Variants in MYOF observed in about 807,000 individuals in gnomAD.
The protein encoded by MYOF is fer-1-like 3, myoferlin.
In MYOF, 244 loss-of-function variants were observed where a neutral mutation model predicts 284.2. That is an observed-to-expected ratio of 0.86 (90% CI 0.77 to 0.95). MYOF has a LOEUF of 0.95. Ranked by LOEUF, MYOF falls within the 40% of genes least tolerant of loss-of-function variation. The pLI is 0.00. For missense variants in MYOF, 2,496 were observed against 2,560.6 expected (o/e 0.97, Z 0.54); for synonymous variants, 904 against 919.7 (o/e 0.98, Z 0.31).
chr10:93,323,690 C>T (rs1263660075), intron 46 of MYOF: 2 of 308,428 alleles, frequency 6.5e-6, no homozygotes, highest in Non-Finnish European at 1.2e-5. Context: ...CAGGCAGGCA[C>T]ACGCACGTGC....
chr10:93,397,460 T>TA lies in MYOF; in HGVS notation c.1222-5dup. Reference sequence around the variant, plus strand: ...TCTCAATTATGTTTGTACAAACCTGTAAAATCACCAAAGCAAAAGTGTAGG... The same window carrying TA: ...TCTCAATTATGTTTGTACAAACCTGTAAAAATCACCAAAGCAAAAGTGTAGG... On this transcript the variant is annotated splice_polypyrimidine_tract_variant and splice_region_variant and intron_variant, in intron 13 of 53. Transcript: ENST00000359263. 1 of 1,602,488 alleles carries TA rather than the reference T, an allele frequency of 6.2e-7. No individual in the cohort carries two copies. The highest frequency in any genetic ancestry group is 8.5e-7 in the Non-Finnish European group (1 of 1,176,150).
intron 4 of MYOF, among the ~76,000 whole-genome samples, chr10:93,430,919 A>AT (rs1434608277): frequency 2.1e-4 from 32 of 150,712 alleles, no homozygotes; most frequent in Admixed American, 1.8e-3. Flanking sequence ...TCAAAACCAG[A>AT]TTTTTTGTGT....
intron 31 of MYOF, among the ~76,000 whole-genome samples, 155 bp from the exon 32 acceptor site, chr10:93,354,043 G>T (rs1442256109): frequency 6.6e-6 from 1 of 152,242 alleles, no homozygotes; most frequent in Non-Finnish European, 1.5e-5. Context: ...TAGTGATGAT[G>T]TGGCCTCCCA....
chr10:93,431,942 C>T (rs1353709245), intron 3 of MYOF, among the ~76,000 whole-genome samples: 2 of 151,902 alleles, frequency 1.3e-5, no homozygotes, highest in Non-Finnish European at 2.9e-5. Context: ...GATGGGGTTT[C>T]GCCATGTTGG....
chr10:93,370,503 G>A (rs770754271), intron 24 of MYOF, among the ~76,000 whole-genome samples: 3 of 151,308 alleles, frequency 2.0e-5, no homozygotes, highest in Non-Finnish European at 4.4e-5. Context: ...TTGTAGAGAC[G>A]GGGGTCTTGC....
chr10:93,362,956 T>C (rs1363994508), intron 27 of MYOF, among the ~76,000 whole-genome samples: 1 of 152,202 alleles, frequency 6.6e-6, no homozygotes, highest in African/African-American at 2.4e-5. Flanking sequence ...TAAACGTTCA[T>C]AAACATACAA....
intron 3 of MYOF, among the ~76,000 whole-genome samples, chr10:93,439,912 A>G (rs540100250): frequency 1.2e-4 from 18 of 152,356 alleles, no homozygotes; most frequent in Non-Finnish European, 2.6e-4. Flanking sequence ...TGTAATCACT[A>G]TGTAAAGTTC....
At chr10:93,473,588 A>G (rs1291749282) in intron 1 of MYOF, among the ~76,000 whole-genome samples, 1 of 152,244 alleles carries the variant, frequency 6.6e-6, no homozygotes, top group Admixed American at 6.5e-5. Context: ...AGGAGGCTGC[A>G]CAGTCCCTGG....
At chr10:93,375,329 G>A (rs1845789212) in intron 22 of MYOF, among the ~76,000 whole-genome samples, 1 of 152,240 alleles carries the variant, frequency 6.6e-6, no homozygotes, top group Admixed American at 6.5e-5. Flanking sequence ...AATGATGGAA[G>A]AAGAAGGGAG....
intron 35 of MYOF, 43 bp downstream of exon 35, chr10:93,351,154 A>C (rs375380123): frequency 2.5e-5 from 40 of 1,576,488 alleles, no homozygotes; most frequent in Non-Finnish European, 3.4e-5. Flanking sequence ...TCCTGCAGTC[A>C]CATCCGTTTG....
chr10:93,448,779 G>A (rs1290202549), intron 3 of MYOF, among the ~76,000 whole-genome samples: 1 of 152,220 alleles, frequency 6.6e-6, no homozygotes, highest in Non-Finnish European at 1.5e-5. Flanking sequence ...CAGATCACTT[G>A]AGGTCAGGAG....
chr10:93,340,652 A>G (rs1843855784), intron 38 of MYOF, among the ~76,000 whole-genome samples: 1 of 152,226 alleles, frequency 6.6e-6, no homozygotes. Flanking sequence ...GTTATCATAC[A>G]GGTACCCCCC....
chr10:93,309,391 T>C (rs748243958), intron 53 of MYOF, among the ~76,000 whole-genome samples: 3 of 152,214 alleles, frequency 2.0e-5, no homozygotes, highest in Non-Finnish European at 4.4e-5. Context: ...CTAGGCAAGC[T>C]GCCAAATCTC....
At chr10:93,406,785 A>G (rs960513597) in intron 7 of MYOF, among the ~76,000 whole-genome samples, 6 of 152,150 alleles carry the variant, frequency 3.9e-5, no homozygotes, top group Admixed American at 3.3e-4. Context: ...AGTTTGAACG[A>G]AGAGGAAGAA....
At chr10:93,375,335 G>A (rs995189959) in intron 22 of MYOF, among the ~76,000 whole-genome samples, 1 of 152,216 alleles carries the variant, frequency 6.6e-6, no homozygotes, top group Non-Finnish European at 1.5e-5. Flanking sequence ...GGAAGAAGAA[G>A]GGAGGCTAGA....
intron 46 of MYOF, among the ~76,000 whole-genome samples, chr10:93,324,978 C>A (rs1288134357): frequency 5.9e-5 from 9 of 152,204 alleles, no homozygotes; most frequent in Middle Eastern, 3.4e-3. Context: ...CAGGGTTTCA[C>A]CATCTTGGCC....
intron 12 of MYOF, 123 bp from the exon 13 acceptor site, chr10:93,399,618 A>C: frequency 1.5e-6 from 1 of 649,092 alleles, no homozygotes; most frequent in Middle Eastern, 4.2e-4. Flanking sequence ...TCATGCCTGT[A>C]ATCCCAGGAC....
Position 93,369,756 on chromosome 10 carries a change from G to C in MYOF, c.2478C>G (p.Asn826Lys). ...IFLKYPQEKNNGPKVPVELRV... is the reference protein window; with the variant it reads ...IFLKYPQEKNKGPKVPVELRV... ...GCAACTCCACAGGCACCTTTGGCCC[G>C]TTGTTTTTCTCCTGTGGATACTGTG... is the stretch of plus-strand genomic sequence containing the variant. The change falls in exon 25 of 54, where the codon AAC (asparagine) becomes AAG (lysine). Residue 826 changes from asparagine to lysine, a missense_variant. This residue lies in a region of MYOF where 2,436 missense variants were observed against 2,480.7 expected (regional missense o/e 0.98). Transcript: ENST00000359263. The C allele has an allele frequency of 6.2e-7, 1 of 1,614,104 alleles. No individual in the cohort carries two copies. The highest frequency in any genetic ancestry group is 8.5e-7 in the Non-Finnish European group (1 of 1,180,006).
intron 2 of MYOF, among the ~76,000 whole-genome samples, chr10:93,453,919 ATG>A (rs2056665979): frequency 6.6e-6 from 1 of 152,148 alleles, no homozygotes; most frequent in East Asian, 1.9e-4. Context: ...GCAGTGGCTC[ATG>A]CCTGTAATCC....
Sources: allele counts gnomAD v4.1 joint callset (sites outside exome capture counted in the v4.1 genomes callset), GRCh38; gene constraint gnomAD v4.1.1; regional missense constraint gnomAD v4.1.1; transcripts MANE v1.5; gene names NCBI Gene and HGNC (gene_info 2026-07-23, HGNC 2026-07-21).